The following TMPRSS11E variants were observed in gnomAD, a reference collection of about 807,000 sequenced individuals.
TMPRSS11E encodes transmembrane serine protease 11E.
A neutral mutation model predicts 48.1 loss-of-function variants in TMPRSS11E; 38 were observed. The observed-to-expected ratio is 0.79, with a 90% CI of 0.61 to 1.04. TMPRSS11E has a LOEUF of 1.04. Ranked by LOEUF, TMPRSS11E falls within the 50% of genes least tolerant of loss-of-function variation. The pLI is 0.00. For missense variants in TMPRSS11E, 530 were observed against 510.8 expected (o/e 1.04, Z -0.36); for synonymous variants, 158 against 171.9 (o/e 0.92, Z 0.63).
chr4:68,494,455 C>G (rs760052914), intron 9 of TMPRSS11E, among the ~76,000 whole-genome samples: 6 of 152,094 alleles, frequency 3.9e-5, no homozygotes, highest in African/African-American at 1.4e-4. Flanking sequence ...TTTACCATAT[C>G]TTTTATGTTT....
At chr4:68,481,730 A>G (rs1353604472) in intron 9 of TMPRSS11E, among the ~76,000 whole-genome samples, 1 of 152,188 alleles carries the variant, frequency 6.6e-6, no homozygotes, top group Admixed American at 6.5e-5. Flanking sequence ...GAGGTGGATC[A>G]CTAGAGCTCA....
At chr4:68,470,542 T>C (rs1729037491) in intron 4 of TMPRSS11E, among the ~76,000 whole-genome samples, 1 of 151,856 alleles carries the variant, frequency 6.6e-6, no homozygotes, top group Admixed American at 6.6e-5. Flanking sequence ...ATGAGTGCAT[T>C]TGAATGTTTA....
chr4:68,485,920 T>G (rs1000113393), intron 9 of TMPRSS11E, among the ~76,000 whole-genome samples: 44 of 152,170 alleles, frequency 2.9e-4, no homozygotes, highest in African/African-American at 1.0e-3. Flanking sequence ...CTTCTAGATT[T>G]TCTAGTTTGT....
At chr4:68,454,708 G>A (rs1219245049) in intron 1 of TMPRSS11E, among the ~76,000 whole-genome samples, 3 of 151,900 alleles carry the variant, frequency 2.0e-5, no homozygotes, top group Non-Finnish European at 4.4e-5. Context: ...AATTCTTGGT[G>A]TATGGTTTAG....
intron 1 of TMPRSS11E, among the ~76,000 whole-genome samples, chr4:68,460,449 T>C (rs1578133716): frequency 2.6e-5 from 4 of 152,144 alleles, no homozygotes; most frequent in African/African-American, 7.2e-5. Flanking sequence ...CTTACTGATA[T>C]ATGGGGAAAT....
chr4:68,454,185 A>C (rs1254482803), intron 1 of TMPRSS11E, among the ~76,000 whole-genome samples: 2 of 151,918 alleles, frequency 1.3e-5, no homozygotes, highest in African/African-American at 4.8e-5. Flanking sequence ...GCCCATTGTG[A>C]TGAACATAGG....
chr4:68,494,378 T>C (rs2109727202), intron 9 of TMPRSS11E, among the ~76,000 whole-genome samples: 1 of 152,364 alleles, frequency 6.6e-6, no homozygotes, highest in East Asian at 1.9e-4. Context: ...GGGTTCACTA[T>C]TAGAGTTTTT....
In TMPRSS11E at chr4:68,475,074, G is replaced by A. The variant is rs1465986473; in HGVS notation, c.529+313G>A. 2.0e-5 allele frequency among the ~76,000 whole-genome samples: 3 copies of A among 152,040 alleles called. No homozygotes were observed. The East Asian group carries it at 5.8e-4, about 29-fold the overall frequency. On this transcript the variant is annotated intron_variant, in intron 6 of 9. Coordinates refer to ENST00000305363, the MANE Select transcript of TMPRSS11E (RefSeq NM_014058.4). ...ATGTTCTGTTTGTAGATATCTATAA[G>A]ATAAAACAAATCTATACATTGTGTT...
intron 1 of TMPRSS11E, among the ~76,000 whole-genome samples, chr4:68,450,667 A>G (rs1728473010): frequency 6.6e-6 from 1 of 151,938 alleles, no homozygotes; most frequent in South Asian, 2.1e-4. Context: ...AGAAGTGTGG[A>G]GGTGTAATTT....
intron 9 of TMPRSS11E, among the ~76,000 whole-genome samples, chr4:68,479,380 C>G (rs1729342339): frequency 6.6e-6 from 1 of 151,814 alleles, no homozygotes; most frequent in Non-Finnish European, 1.5e-5. Flanking sequence ...AATAGAGTAA[C>G]AGTAGCTTTT....
At chr4:68,462,402 C>G (rs1056713711) in intron 2 of TMPRSS11E, among the ~76,000 whole-genome samples, 3 of 142,806 alleles carry the variant, frequency 2.1e-5, no homozygotes, top group Non-Finnish European at 4.5e-5. Flanking sequence ...CATGGTGAAA[C>G]CCCGTGTCTA....
rs149687253 is a variant in TMPRSS11E, at chr4:68,483,401, A to C, written c.1110+4410A>C. Among the ~76,000 whole-genome samples the C allele has an allele frequency of 2.2e-3, 335 of 152,346 alleles. 1 individual carries two copies. The highest frequency in any genetic ancestry group is 0.01 in the Middle Eastern group (3 of 294). ...CCTCACTTCCAGCAATGGAGATTAA[A>C]CTTCAACATGAGATTTGAGAGGGGA... On this transcript the variant is annotated intron_variant, in intron 9 of 9. Coordinates refer to ENST00000305363, the MANE Select transcript of TMPRSS11E (RefSeq NM_014058.4).
rs138348941 is a variant in TMPRSS11E at position 68,449,556 on chromosome 4, C to T, written c.11+2033C>T. Among the ~76,000 whole-genome samples, 1,208 of 151,754 alleles carry T rather than the reference C, an allele frequency of 8.0e-3. 9 individuals are homozygous for T. Among genetic ancestry groups the T allele is most frequent in the Non-Finnish European group, 0.013 (911 of 67,740 alleles). On this transcript the variant is annotated intron_variant, in intron 1 of 9. Coordinates refer to ENST00000305363, the MANE Select transcript of TMPRSS11E (RefSeq NM_014058.4). ...AAGCACTGTCTCTAAAAGTGTGGTCCGTAGACCCCTGCATTACAGTGCTTA... is the reference window on the plus strand; with the variant it reads ...AAGCACTGTCTCTAAAAGTGTGGTCTGTAGACCCCTGCATTACAGTGCTTA...
intron 5 of TMPRSS11E, among the ~76,000 whole-genome samples, chr4:68,474,499 T>C (rs950943762): frequency 1.3e-5 from 2 of 152,120 alleles, no homozygotes; most frequent in Non-Finnish European, 2.9e-5. Context: ...TCATTATAAA[T>C]ATGCTTCCTA....
At chr4:68,483,150 T>G (rs1316098520) in intron 9 of TMPRSS11E, among the ~76,000 whole-genome samples, 4 of 152,180 alleles carry the variant, frequency 2.6e-5, no homozygotes, top group African/African-American at 9.6e-5. Flanking sequence ...GTAAGCCTGA[T>G]GCTGGCATTA....
chr4:68,490,527 A>G (rs1207838520), intron 9 of TMPRSS11E, among the ~76,000 whole-genome samples: 1 of 151,924 alleles, frequency 6.6e-6, no homozygotes, highest in Non-Finnish European at 1.5e-5. Context: ...GCTCATTACT[A>G]CTGCATGGAG....
At chr4:68,483,776 T>G (rs946811872) in intron 9 of TMPRSS11E, among the ~76,000 whole-genome samples, 1 of 152,244 alleles carries the variant, frequency 6.6e-6, no homozygotes, top group Admixed American at 6.5e-5. Flanking sequence ...GTTTTACACT[T>G]AAGTATTTCA....
intron 3 of TMPRSS11E, among the ~76,000 whole-genome samples, chr4:68,467,571 C>T (rs1165828962): frequency 1.3e-5 from 2 of 152,140 alleles, no homozygotes; most frequent in Admixed American, 1.3e-4. Flanking sequence ...ATTAGTTTAT[C>T]ATTCTGCACA....
chr4:68,489,637 C>T (rs946668923), intron 9 of TMPRSS11E, among the ~76,000 whole-genome samples: 1 of 152,178 alleles, frequency 6.6e-6, no homozygotes, highest in Non-Finnish European at 1.5e-5. Flanking sequence ...AGGGACCTGC[C>T]TTCAGGAGCT....
Sources: gnomAD v4.1 joint callset for allele counts (sites outside exome capture counted in the v4.1 genomes callset) on GRCh38, gnomAD v4.1.1 for gene constraint, MANE v1.5 for transcripts, NCBI Gene and HGNC (gene_info 2026-07-23, HGNC 2026-07-21) for gene names.